COL18A1: variants seen among roughly 807,000 people sequenced by gnomAD.
COL18A1 encodes the protein collagen type XVIII alpha 1 chain, also known as collagen alpha-1(XVIII) chain.
A neutral mutation model predicts 168.0 loss-of-function variants in COL18A1; 133 were observed. The observed-to-expected ratio is 0.79, with a 90% confidence interval of 0.69 to 0.91. COL18A1 has a LOEUF of 0.91. Ranked by LOEUF, COL18A1 falls within the 40% of genes least tolerant of loss-of-function variation. The pLI is 0.00. For synonymous variants in COL18A1, 949 were observed against 809.0 expected (o/e 1.17, Z -2.94); for missense variants, 2,126 against 1,925.4 (o/e 1.10, Z -1.95).
chr21:45,494,384 C>T lies in COL18A1; in HGVS notation c.2353-161C>T, dbSNP rs574288640. 490 of 972,146 alleles carry T rather than the reference C, an allele frequency of 5.0e-4. 1 individual carries two copies. Among genetic ancestry groups the T allele is most frequent in the African/African-American group, 3.7e-3 (227 of 62,182 alleles). 60.2% of individuals were successfully genotyped at this position (972,146 alleles called of 1,614,324 possible). A position where few individuals can be genotyped will look rare whatever the true frequency, so the allele number is the denominator to read the frequency against. ...CCCAGGGCTGCCTGCGCCTTGGGGA[C>T]GGCCCAGTGCACCCAAAGGGACCAC... On this transcript the variant is annotated intron_variant, in intron 26 of 41. Coordinates refer to ENST00000651438, the MANE Select transcript of COL18A1 (RefSeq NM_001379500.1).
chr21:45,454,853 G>A (rs1299157563), intron 2 of COL18A1, among the ~76,000 whole-genome samples: 4 of 152,212 alleles, frequency 2.6e-5, no homozygotes, highest in Non-Finnish European at 4.4e-5. Context: ...CCCTGGTCCC[G>A]GGCTCCGTCT....
At chr21:45,421,629 G>A (rs1339789096) in intron 2 of COL18A1, 1 of 526,588 alleles carries the variant, frequency 1.9e-6, no homozygotes, top group Admixed American at 1.9e-5. Flanking sequence ...CCTGGAAGGT[G>A]TGGAGCGGGT....
intron 13 of COL18A1, among the ~76,000 whole-genome samples, chr21:45,481,651 C>T (rs191205297): frequency 4.6e-5 from 7 of 152,366 alleles, no homozygotes; most frequent in Non-Finnish European, 7.4e-5. Flanking sequence ...AAGAACATGC[C>T]TAATCCATAT....
chr21:45,477,692 T>C lies in COL18A1; in HGVS notation c.1006-58T>C, dbSNP rs542622172. ...ACTCTGGAGGGCGCAGCGGGACACG[T>C]GGGCAGGGTGTGTGGGGCCCCACCC... On this transcript the variant is annotated intron_variant, in intron 7 of 41. Coordinates refer to ENST00000651438, the MANE Select transcript of COL18A1 (RefSeq NM_001379500.1). 134 of 1,449,532 alleles carry C rather than the reference T, an allele frequency of 9.2e-5. No homozygotes were observed. The African/African-American group carries it at 1.6e-3, about 18-fold the overall frequency. The allele number at this position is 1,449,532 out of a possible 1,614,324, so 89.8% of individuals were successfully genotyped here. A position where few individuals can be genotyped will look rare whatever the true frequency, so the allele number is the denominator to read the frequency against.
At chr21:45,478,150 G>A in intron 8 of COL18A1, 177 bp from the exon 9 acceptor site, 1 of 858,200 alleles carries the variant, frequency 1.2e-6, no homozygotes, top group Non-Finnish European at 1.9e-6. Flanking sequence ...AGGCGGAGCT[G>A]CTCAGACACA....
chr21:45,463,675 A>C lies in COL18A1; in HGVS notation c.107-4567A>C, dbSNP rs571659317. Among the ~76,000 whole-genome samples, 1 of 152,256 alleles carries C rather than the reference A, an allele frequency of 6.6e-6. No homozygotes were observed. The highest frequency in any genetic ancestry group is 1.9e-4 in the East Asian group (1 of 5,170). On this transcript the variant is annotated intron_variant, in intron 2 of 41. Transcript: ENST00000651438. The surrounding 1 kb of genome is among the most constrained non-coding windows in gnomAD (Gnocchi z 4.0). ...CACTTTGGGATGCCGAGGCATGCGG[A>C]TCGCCTGAGGTCGGGAGTTGGAGAC... is the stretch of plus-strand genomic sequence containing the variant.
intron 26 of COL18A1, 108 bp downstream of exon 26, chr21:45,493,683 C>T: frequency 1.2e-6 from 1 of 835,028 alleles, no homozygotes; most frequent in Non-Finnish European, 1.9e-6. Flanking sequence ...ACGAGCCTCT[C>T]CCAAGCAGGG....
In COL18A1 at chr21:45,511,207, G is replaced by T; in HGVS notation, c.3790G>T (p.Val1264Phe). ...CATCTTCTCCTTTGACGGCAAGGAC[G>T]TCCTGAGGCACCCCACCTGGTAGGT... ...ARIFSFDGKD[V>F]LRHPTWPQKS... The change falls in exon 41 of 42, where the codon GTC (valine) becomes TTC (phenylalanine). Residue 1264 changes from valine to phenylalanine, a missense_variant. Transcript: ENST00000651438. The T allele has an allele frequency of 1.3e-6, 2 of 1,585,810 alleles. No individual in the cohort carries two copies. Among genetic ancestry groups the T allele is most frequent in the Non-Finnish European group, 1.7e-6 (2 of 1,163,564 alleles).
rs971216093 is a variant in COL18A1, at chr21:45,497,583, G to T, written c.2621-16G>T. The T allele has an allele frequency of 1.3e-6, 2 of 1,555,970 alleles. No individual in the cohort carries two copies. The highest frequency in any genetic ancestry group is 1.2e-5 in the South Asian group (1 of 84,458). On this transcript the variant is annotated splice_polypyrimidine_tract_variant and intron_variant, in intron 31 of 41. Transcript: ENST00000651438. The stretch of plus-strand genomic sequence containing the variant: ...CTGGCACATTCCTGATGGGCACTGG[G>T]TCTCTCTTCCTCCAGGGAATCAGGG...
At chr21:45,419,321 G>A (rs544696787) in intron 2 of COL18A1, among the ~76,000 whole-genome samples, 9 of 151,912 alleles carry the variant, frequency 5.9e-5, no homozygotes, top group Middle Eastern at 3.4e-3. Context: ...ACGCAATGCC[G>A]TGTAGTTACA....
At chr21:45,495,004 G>A in intron 28 of COL18A1, 89 bp downstream of exon 28, 2 of 1,162,104 alleles carry the variant, frequency 1.7e-6, no homozygotes, top group South Asian at 1.3e-5. Context: ...ATGCCCAGAG[G>A]GGAGTGGACG....
intron 6 of COL18A1, among the ~76,000 whole-genome samples, 193 bp from the exon 7 acceptor site, chr21:45,477,218 A>G (rs1407613783): frequency 6.6e-6 from 1 of 152,134 alleles, no homozygotes; most frequent in Non-Finnish European, 1.5e-5. Flanking sequence ...TTGATTTTAA[A>G]TTCTGTCTCC....
At chr21:45,488,564 C>T (rs1371203318) in intron 18 of COL18A1, 120 bp downstream of exon 18, 10 of 1,465,338 alleles carry the variant, frequency 6.8e-6, no homozygotes, top group Middle Eastern at 1.8e-4. Context: ...AGGATGAATT[C>T]ATCCTGGGAA....
intron 3 of COL18A1, among the ~76,000 whole-genome samples, chr21:45,472,154 C>T (rs1401287211): frequency 1.3e-5 from 2 of 152,126 alleles, no homozygotes; most frequent in East Asian, 3.9e-4. Flanking sequence ...TGCCCAGTCC[C>T]TCCCCGACAC....
chr21:45,428,786 A>G (rs900070502), intron 2 of COL18A1, among the ~76,000 whole-genome samples: 2 of 152,080 alleles, frequency 1.3e-5, no homozygotes, highest in Admixed American at 1.3e-4. Flanking sequence ...CAGACCCACA[A>G]TTCATCCCTT....
rs1422527614 is a variant in COL18A1, at chr21:45,496,549, C to T, written c.2558C>T (p.Thr853Ile). 2 of 1,514,694 alleles carry T rather than the reference C, an allele frequency of 1.3e-6. No homozygotes were observed. Among genetic ancestry groups the T allele is most frequent in the South Asian group, 1.1e-5 (1 of 89,230 alleles). 93.8% of individuals were successfully genotyped at this position (1,514,694 alleles called of 1,614,324 possible). The change falls in exon 30 of 42, where the codon ACT becomes ATT. Residue 853 changes from threonine (T) to isoleucine (I), a missense_variant. Coordinates refer to ENST00000651438, the MANE Select transcript of COL18A1 (RefSeq NM_001379500.1). ...GPPGPPGPPG[T>I]PVYDSNVFAE... ...CCAGGGCCCCCAGGCCCTCCAGGGA[C>T]TCCTGTTTACGACAGCAATGTAAGT...
intron 18 of COL18A1, among the ~76,000 whole-genome samples, chr21:45,489,119 G>A (rs541411803): frequency 6.6e-6 from 1 of 152,352 alleles, no homozygotes; most frequent in African/African-American, 2.4e-5. Flanking sequence ...GCTCCTTTGA[G>A]CTTTGCTTTC....
intron 2 of COL18A1, among the ~76,000 whole-genome samples, chr21:45,442,395 A>G (rs1420972487): frequency 6.6e-6 from 1 of 151,776 alleles, no homozygotes; most frequent in Non-Finnish European, 1.5e-5. Context: ...CACATCACCC[A>G]TGTGTCTCAC....
chr21:45,437,495 C>CTCAG (rs2034177963), intron 2 of COL18A1, among the ~76,000 whole-genome samples: 1 of 85,224 alleles, frequency 1.2e-5, no homozygotes, highest in Non-Finnish European at 2.2e-5. Flanking sequence ...CTCACACTCA[C>CTCAG]ACACAGGCAC....
Sources: allele counts gnomAD v4.1 joint callset (sites outside exome capture counted in the v4.1 genomes callset), GRCh38; gene constraint gnomAD v4.1.1; non-coding constraint Gnocchi (gnomAD v3.1); transcripts MANE v1.5; gene names NCBI Gene and HGNC (gene_info 2026-07-23, HGNC 2026-07-21).